Variants in CADM2 observed in about 807,000 individuals in gnomAD.
The protein encoded by CADM2 is cell adhesion molecule 2, also known as immunoglobulin superfamily member 4D.
A neutral mutation model predicts 49.8 loss-of-function variants in CADM2; 12 were observed. That is an observed-to-expected ratio of 0.24 (90% CI 0.15 to 0.39). The LOEUF (loss-of-function observed/expected upper bound fraction) is 0.39, where lower values mean the gene tolerates loss of function less well. Ranked by LOEUF, CADM2 falls within the 10% of genes least tolerant of loss-of-function variation. The pLI is 1.00. For synonymous variants in CADM2, 214 were observed against 175.4 expected (o/e 1.22, Z -1.74); for missense variants, 378 against 492.3 (o/e 0.77, Z 2.20).
intron 8 of CADM2, among the ~76,000 whole-genome samples, chr3:86,010,999 A>T (rs1219421429): frequency 6.6e-6 from 1 of 151,976 alleles, no homozygotes; most frequent in African/African-American, 2.4e-5. Context: ...AATTACAGAT[A>T]ATGTGGAAAA....
intron 2 of CADM2, among the ~76,000 whole-genome samples, chr3:85,782,091 T>C (rs1283122911): frequency 6.6e-6 from 1 of 152,214 alleles, no homozygotes; most frequent in Non-Finnish European, 1.5e-5. Context: ...TTGGAGTTGA[T>C]TGAGTATATA....
chr3:85,335,719 G>T (rs1375576517), intron 1 of CADM2, among the ~76,000 whole-genome samples: 2 of 151,444 alleles, frequency 1.3e-5, no homozygotes, highest in Admixed American at 6.6e-5. Context: ...TCTGTGAGAT[G>T]ATTGTCTATT....
At chr3:85,540,171 A>G (rs1355597977) in intron 1 of CADM2, among the ~76,000 whole-genome samples, 3 of 152,130 alleles carry the variant, frequency 2.0e-5, no homozygotes, top group Non-Finnish European at 4.4e-5. Flanking sequence ...GTAGGATTAT[A>G]TTCATTTTCA....
At chr3:85,033,153 A>G (rs1200694962) in intron 1 of CADM2, among the ~76,000 whole-genome samples, 2 of 152,176 alleles carry the variant, frequency 1.3e-5, no homozygotes, top group Non-Finnish European at 2.9e-5. Flanking sequence ...GCTTTTTGAG[A>G]TGATAAAGTC....
chr3:85,165,068 A>G (rs17022559), intron 1 of CADM2, among the ~76,000 whole-genome samples: 15,003 of 151,808 alleles, frequency 0.099, 930 homozygotes, highest in African/African-American at 0.17. Flanking sequence ...TACATGATCA[A>G]GGGCCCCAGT....
At chr3:85,792,564 A>G (rs1233542240) in intron 2 of CADM2, among the ~76,000 whole-genome samples, 1 of 152,112 alleles carries the variant, frequency 6.6e-6, no homozygotes, top group Non-Finnish European at 1.5e-5. Flanking sequence ...CAAAGCCTCA[A>G]CCTCTGCCTG....
intron 2 of CADM2, among the ~76,000 whole-genome samples, chr3:85,729,390 T>A (rs2067840575): frequency 1.3e-5 from 2 of 152,128 alleles, no homozygotes; most frequent in South Asian, 4.1e-4. Context: ...TAGACAATTG[T>A]GTACCTGCAA....
intron 1 of CADM2, among the ~76,000 whole-genome samples, chr3:84,993,181 C>T (rs1449144360): frequency 6.6e-6 from 1 of 151,954 alleles, no homozygotes; most frequent in East Asian, 1.9e-4. Context: ...GTTTATCGGG[C>T]CCAAGTGGGA....
chr3:85,609,345 A>C (rs1288200681), intron 1 of CADM2, among the ~76,000 whole-genome samples: 1 of 152,124 alleles, frequency 6.6e-6, no homozygotes, highest in Admixed American at 6.6e-5. Flanking sequence ...ATTTGACTTT[A>C]TATCTTGACT....
chr3:84,992,957 G>A (rs967635459), intron 1 of CADM2, among the ~76,000 whole-genome samples: 2 of 152,142 alleles, frequency 1.3e-5, no homozygotes, highest in Non-Finnish European at 2.9e-5. Context: ...CCCATGTTTA[G>A]ATTGGATGTT....
chr3:85,586,852 C>T (rs901764986), intron 1 of CADM2, among the ~76,000 whole-genome samples: 15 of 151,956 alleles, frequency 9.9e-5, no homozygotes, highest in African/African-American at 3.6e-4. Context: ...TGAAATAGTC[C>T]CCACATTCTA....
chr3:85,459,066 C>A (rs1310591808), intron 1 of CADM2, among the ~76,000 whole-genome samples: 1 of 152,064 alleles, frequency 6.6e-6, no homozygotes, highest in Non-Finnish European at 1.5e-5. Flanking sequence ...AGGATAGATG[C>A]AGGGTTGAAT....
At chr3:85,116,364 G>A (rs2038638456) in intron 1 of CADM2, among the ~76,000 whole-genome samples, 1 of 151,984 alleles carries the variant, frequency 6.6e-6, no homozygotes, top group Non-Finnish European at 1.5e-5. Flanking sequence ...ACAAACAAAA[G>A]CACATCTGCT....
chr3:86,002,485 G>A (rs1276460287), intron 8 of CADM2, among the ~76,000 whole-genome samples: 5 of 152,090 alleles, frequency 3.3e-5, no homozygotes, highest in Non-Finnish European at 7.4e-5. Context: ...AAAGTCACCT[G>A]GATTCAAGTC....
rs188064447 is a variant in CADM2, at chr3:84,987,272, G to A, written c.61+27604G>A. 9.3e-4 allele frequency among the ~76,000 whole-genome samples: 141 copies of A among 151,772 alleles called. 1 individual carries two copies. The highest frequency in any genetic ancestry group is 3.6e-3 in the Admixed American group (55 of 15,258). ...CTCTTTTAGGTGGTGTCTTCTGTTA[G>A]CATTTTCCAAGAAATTGGGAGAGAC... On this transcript the variant is annotated intron_variant, in intron 1 of 9. Transcript: ENST00000383699.
Position 85,770,979 on chromosome 3 carries a change from C to A in CADM2, c.89-31068C>A, listed in dbSNP as rs139763065. 2.5e-3 allele frequency among the ~76,000 whole-genome samples: 374 copies of A among 152,278 alleles called. 2 individuals are homozygous for A. Among genetic ancestry groups the A allele is most frequent in the African/African-American group, 8.8e-3 (364 of 41,568 alleles). Reference sequence around the variant, plus strand: ...GTCGTCTGTGATACATGTCATGATACATGTCACTTATCCTGTGTCTCATGA... The same window carrying A: ...GTCGTCTGTGATACATGTCATGATAAATGTCACTTATCCTGTGTCTCATGA... On this transcript the variant is annotated intron_variant, in intron 2 of 9. Transcript: ENST00000383699.
chr3:85,005,824 C>G (rs1351387863), intron 1 of CADM2, among the ~76,000 whole-genome samples: 1 of 151,798 alleles, frequency 6.6e-6, no homozygotes, highest in Non-Finnish European at 1.5e-5. Context: ...TTGTATTTTT[C>G]AATTACCAAC....
chr3:84,961,032 C>T (rs1470806503), intron 1 of CADM2, among the ~76,000 whole-genome samples: 1 of 151,986 alleles, frequency 6.6e-6, no homozygotes, highest in Non-Finnish European at 1.5e-5. Context: ...TCTTTGCCTG[C>T]CTCTAATCCT....
chr3:85,954,005 T>C (rs967419020), intron 7 of CADM2, among the ~76,000 whole-genome samples: 8 of 150,970 alleles, frequency 5.3e-5, no homozygotes, highest in Admixed American at 4.0e-4. Flanking sequence ...GACACATAGA[T>C]GTTTCATTTA....
Sources: allele counts gnomAD v4.1 joint callset (sites outside exome capture counted in the v4.1 genomes callset), GRCh38; gene constraint gnomAD v4.1.1; transcripts MANE v1.5; gene names NCBI Gene and HGNC (gene_info 2026-07-23, HGNC 2026-07-21).